The following TMEM53 variants were observed in gnomAD, a reference collection of about 807,000 sequenced individuals.
TMEM53 encodes transmembrane protein 53, also known as novel DUF829 domain-containing protein.
Under a neutral mutation model 21.4 loss-of-function variants are expected in TMEM53, and 14 were observed. The observed-to-expected ratio is 0.65, with a 90% confidence interval of 0.43 to 1.02. TMEM53 has a LOEUF of 1.02. Ranked by LOEUF, TMEM53 falls within the 50% of genes least tolerant of loss-of-function variation. TMEM53 has a pLI of 0.00. For synonymous variants in TMEM53, 148 were observed against 157.4 expected, an observed-to-expected ratio of 0.94 and a Z score of 0.45; for missense variants, 323 against 383.6, an observed-to-expected ratio of 0.84 and a Z score of 1.32.
intron 1 of TMEM53, among the ~76,000 whole-genome samples, chr1:44,664,436 G>T (rs1179406379): frequency 1.0e-4 from 15 of 144,378 alleles, no homozygotes; most frequent in Non-Finnish European, 1.2e-4. Flanking sequence ...TGGGCAACAA[G>T]AGCGAAACTC....
At chr1:44,674,047 G>A in intron 1 of TMEM53, 6 of 985,472 alleles carry the variant, frequency 6.1e-6, no homozygotes, top group Non-Finnish European at 7.2e-6. Flanking sequence ...AGTGATTAAA[G>A]GGCATGGACC....
intron 1 of TMEM53, among the ~76,000 whole-genome samples, chr1:44,672,621 G>A (rs943549002): frequency 2.6e-5 from 4 of 152,182 alleles, no homozygotes; most frequent in African/African-American, 9.7e-5. Flanking sequence ...TGCTAGCAAT[G>A]GAATGCACTC....
intron 1 of TMEM53, among the ~76,000 whole-genome samples, chr1:44,660,655 T>C (rs1343113543): frequency 6.6e-6 from 1 of 152,130 alleles, no homozygotes; most frequent in Non-Finnish European, 1.5e-5. Context: ...TTGTATGGCC[T>C]GCGAGCTAAA....
intron 2 of TMEM53, among the ~76,000 whole-genome samples, chr1:44,659,593 TC>T (rs1165868438): frequency 6.6e-6 from 1 of 152,026 alleles, no homozygotes; most frequent in East Asian, 1.9e-4. Context: ...AAGGAGGAGG[TC>T]CTGGGAGTAC....
At chr1:44,663,480 A>G (rs761301903) in intron 1 of TMEM53, among the ~76,000 whole-genome samples, 25 of 152,240 alleles carry the variant, frequency 1.6e-4, no homozygotes, top group Admixed American at 5.9e-4. Flanking sequence ...AGCTCAGGCA[A>G]TCCACCCGCC....
In TMEM53 at chr1:44,662,055, G is replaced by A. The variant is rs72899516; in HGVS notation, c.62-1760C>T. On this transcript the variant is annotated intron_variant, in intron 1 of 2. Transcript: ENST00000372237. ...ACCCTGAAATTTATGGATGCCGGTG[G>A]TGACCTGGCAACAGTAAATTTCAAG... is the stretch of plus-strand genomic sequence containing the variant. Among the ~76,000 whole-genome samples the A allele has an allele frequency of 6.5e-3, 985 of 152,376 alleles. 12 individuals are homozygous for A. The highest frequency in any genetic ancestry group is 0.022 in the African/African-American group (919 of 41,592).
chr1:44,661,077 TATC>T (rs1406067442), intron 1 of TMEM53, among the ~76,000 whole-genome samples: 1 of 152,102 alleles, frequency 6.6e-6, no homozygotes, highest in Admixed American at 6.5e-5. Flanking sequence ...ATGCCACACT[TATC>T]ATTTACTTAG....
intron 1 of TMEM53, among the ~76,000 whole-genome samples, chr1:44,671,608 T>C (rs111335140): frequency 6.6e-6 from 1 of 151,656 alleles, no homozygotes; most frequent in Non-Finnish European, 1.5e-5. Flanking sequence ...TATAAGAAAA[T>C]GAAAATTTTT....
Position 44,655,309 on chromosome 1 carries a change from G to A in TMEM53, c.184-100C>T, listed in dbSNP as rs1644839998. ...AGCAACCCCAGCCTGTAGGACATAGGCCATGGGGCCCACAGCGTCAGCAAT... is the reference window on the plus strand; with the variant it reads ...AGCAACCCCAGCCTGTAGGACATAGACCATGGGGCCCACAGCGTCAGCAAT... On this transcript the variant is annotated intron_variant, in intron 2 of 2. Coordinates refer to ENST00000372237, the MANE Select transcript of TMEM53 (RefSeq NM_024587.4). The surrounding 1 kb of genome is among the most constrained non-coding windows in gnomAD (Gnocchi z 4.4). 2 of 1,202,094 alleles carry A rather than the reference G, an allele frequency of 1.7e-6. No individual in the cohort carries two copies. Among genetic ancestry groups the A allele is most frequent in the Admixed American group, 5.4e-5 (2 of 37,112 alleles). 74.5% of individuals were successfully genotyped at this position (1,202,094 alleles called of 1,614,324 possible).
chr1:44,668,082 G>A (rs1057015064), intron 1 of TMEM53, among the ~76,000 whole-genome samples: 26 of 152,180 alleles, frequency 1.7e-4, no homozygotes, highest in Admixed American at 1.7e-3. Flanking sequence ...ATAAGGGTCT[G>A]CAGTACAATA....
chr1:44,674,457 C>G lies in TMEM53; in HGVS notation c.-66G>C. The G allele has an allele frequency of 6.5e-7, 1 of 1,529,544 alleles. No homozygotes were observed. Among genetic ancestry groups the G allele is most frequent in the Non-Finnish European group, 8.8e-7 (1 of 1,130,948 alleles). 94.7% of individuals were successfully genotyped at this position (1,529,544 alleles called of 1,614,324 possible). A position where few individuals can be genotyped will look rare whatever the true frequency, so the allele number is the denominator to read the frequency against. ...CTCCCGCTTGCGCACCCGTGCCTCA[C>G]CCGGGCGCCTCCTGGGCGCCGCCCA... On this transcript the variant is annotated 5_prime_UTR_variant, in exon 1 of 3. Coordinates refer to ENST00000372237, the MANE Select transcript of TMEM53 (RefSeq NM_024587.4).
chr1:44,658,427 C>T (rs112702633), intron 2 of TMEM53, among the ~76,000 whole-genome samples: 2,122 of 152,254 alleles, frequency 0.014, 19 homozygotes, highest in Non-Finnish European at 0.021. Context: ...CATCACCTTA[C>T]CTCTACCGAC....
rs1645063191 is a variant in TMEM53, at chr1:44,674,380, T to G, written c.12A>C (p.Ala4=). ...GGATCTCGATGGTGTAGTCCAGCTC[T>G]GCCGAGGCCATGGTGAAGGCGCCGG... MAS[A]ELDYTIEIPD... The change falls in exon 1 of 3, where the codon GCA becomes GCC. Residue 4 remains alanine, a synonymous_variant. Transcript: ENST00000372237. The G allele has an allele frequency of 5.0e-6, 8 of 1,611,884 alleles. No individual in the cohort carries two copies. Among genetic ancestry groups the G allele is most frequent in the African/African-American group, 1.3e-5 (1 of 74,944 alleles).
In TMEM53 at chr1:44,654,488, C is replaced by T. The variant is rs181745174; in HGVS notation, c.*71G>A. The T allele has an allele frequency of 2.1e-4, 325 of 1,533,294 alleles. No homozygotes were observed. Among genetic ancestry groups the T allele is most frequent in the Admixed American group, 9.8e-4 (56 of 57,176 alleles). The allele number at this position is 1,533,294 out of a possible 1,614,324, so 95.0% of individuals were successfully genotyped here. The stretch of plus-strand genomic sequence containing the variant: ...CAGGGAGTTGAACGAGAAGAGTGCC[C>T]GACAGATTGCAGGTTGTGGGGAGGT... On this transcript the variant is annotated 3_prime_UTR_variant, in exon 3 of 3. Coordinates refer to ENST00000372237, the MANE Select transcript of TMEM53 (RefSeq NM_024587.4). The surrounding 1 kb of genome is among the most constrained non-coding windows in gnomAD (Gnocchi z 7.0).
At chr1:44,663,826 AAC>A (rs1344092525) in intron 1 of TMEM53, among the ~76,000 whole-genome samples, 2 of 152,260 alleles carry the variant, frequency 1.3e-5, no homozygotes, top group Non-Finnish European at 2.9e-5. Flanking sequence ...AAAAAGTGCT[AAC>A]ACACACAGCA....
intron 1 of TMEM53, among the ~76,000 whole-genome samples, chr1:44,661,883 C>T (rs1279565295): frequency 2.0e-5 from 3 of 151,930 alleles, no homozygotes; most frequent in Non-Finnish European, 4.4e-5. Flanking sequence ...TCAAACAGAC[C>T]TCATCTCATT....
chr1:44,665,271 A>G (rs1045067804), intron 1 of TMEM53, among the ~76,000 whole-genome samples: 1 of 152,196 alleles, frequency 6.6e-6, no homozygotes, highest in African/African-American at 2.4e-5. Context: ...GGAGAGACAG[A>G]TAGGGAGGGG....
intron 1 of TMEM53, among the ~76,000 whole-genome samples, chr1:44,665,113 T>C (rs1267133246): frequency 4.2e-5 from 5 of 120,404 alleles, no homozygotes; most frequent in African/African-American, 1.6e-4. Flanking sequence ...ACCATCAGAC[T>C]GAGTGAGGTG....
chr1:44,654,502 T>G lies in TMEM53; in HGVS notation c.*57A>C. On this transcript the variant is annotated 3_prime_UTR_variant, in exon 3 of 3. Transcript: ENST00000372237. The surrounding 1 kb of genome is among the most constrained non-coding windows in gnomAD (Gnocchi z 7.0). Reference sequence around the variant, plus strand: ...AGAAGAGTGCCCGACAGATTGCAGGTTGTGGGGAGGTGTCAGGCATTTATT... The same window carrying G: ...AGAAGAGTGCCCGACAGATTGCAGGGTGTGGGGAGGTGTCAGGCATTTATT... The G allele has an allele frequency of 6.5e-7, 1 of 1,549,026 alleles. No individual in the cohort carries two copies. The highest frequency in any genetic ancestry group is 8.8e-7 in the Non-Finnish European group (1 of 1,139,588).
Sources: gnomAD v4.1 joint callset for allele counts (sites outside exome capture counted in the v4.1 genomes callset) on GRCh38, gnomAD v4.1.1 for gene constraint, Gnocchi (gnomAD v3.1) non-coding constraint, MANE v1.5 for transcripts, NCBI Gene and HGNC (gene_info 2026-07-23, HGNC 2026-07-21) for gene names.